GPM6A: variants seen among roughly 807,000 people sequenced by gnomAD.
The protein encoded by GPM6A is glycoprotein M6A, also known as neuronal membrane glycoprotein M6-a.
Under a neutral mutation model 32.1 loss-of-function variants are expected in GPM6A, and 7 were observed. That is an observed-to-expected ratio of 0.22 (90% confidence interval 0.12 to 0.41). GPM6A has a LOEUF of 0.41. Among genes scored for constraint, GPM6A ranks in the 10% least tolerant of loss-of-function variants. The pLI is 1.00. For synonymous variants in GPM6A, 130 were observed against 123.4 expected, an observed-to-expected ratio of 1.05 and a Z score of -0.35; for missense variants, 235 against 347.2, an observed-to-expected ratio of 0.68 and a Z score of 2.57.
At chr4:175,736,884 A>G (rs181786047) in intron 1 of GPM6A, among the ~76,000 whole-genome samples, 1 of 152,362 alleles carries the variant, frequency 6.6e-6, no homozygotes, top group East Asian at 1.9e-4. Context: ...CATAGGCATT[A>G]TAATGTCATA....
intron 1 of GPM6A, among the ~76,000 whole-genome samples, chr4:175,826,443 A>G (rs1735442459): frequency 6.6e-6 from 1 of 152,100 alleles, no homozygotes; most frequent in African/African-American, 2.4e-5. Context: ...TTTAAATGTA[A>G]TACTATTATG....
At chr4:175,736,579 CAG>C (rs1460579797) in intron 1 of GPM6A, among the ~76,000 whole-genome samples, 2 of 151,952 alleles carry the variant, frequency 1.3e-5, no homozygotes, top group African/African-American at 4.8e-5. Context: ...GTTGCTGAAA[CAG>C]AAATAAATAA....
At chr4:175,837,341 C>T (rs78645073) in intron 1 of GPM6A, among the ~76,000 whole-genome samples, 20,665 of 152,096 alleles carry the variant, frequency 0.14, 1,744 homozygotes, top group Middle Eastern at 0.24. Context: ...AACTGTAAGG[C>T]AATGCATGTG....
chr4:175,771,551 CAAA>C (rs889739577), intron 1 of GPM6A, among the ~76,000 whole-genome samples: 4 of 66,586 alleles, frequency 6.0e-5, no homozygotes, highest in African/African-American at 9.7e-5. Flanking sequence ...GACTCTGTCT[CAAA>C]AAAAAAAAAA....
At chr4:175,866,275 C>G (rs921862018) in intron 1 of GPM6A, among the ~76,000 whole-genome samples, 3 of 152,130 alleles carry the variant, frequency 2.0e-5, no homozygotes, top group African/African-American at 7.2e-5. Context: ...CCCACATTAA[C>G]ACATCATAAT....
intron 1 of GPM6A, among the ~76,000 whole-genome samples, chr4:175,774,082 T>C (rs1222254372): frequency 6.6e-6 from 1 of 152,088 alleles, no homozygotes; most frequent in Non-Finnish European, 1.5e-5. Flanking sequence ...CCCAGTTCTC[T>C]AGTGTCCATT....
intron 1 of GPM6A, among the ~76,000 whole-genome samples, chr4:175,830,506 C>G (rs993049622): frequency 6.6e-6 from 1 of 152,146 alleles, no homozygotes; most frequent in African/African-American, 2.4e-5. Context: ...TAATCTTCAC[C>G]ATACCTCTAT....
At chr4:176,002,274 T>C in intron 1 of GPM6A, 1 of 1,595,774 alleles carries the variant, frequency 6.3e-7, no homozygotes, top group Non-Finnish European at 8.5e-7. Flanking sequence ...GGCCGAGCCT[T>C]TGGGCGAGGT....
At chr4:175,664,020 A>G (rs1188184870) in intron 3 of GPM6A, among the ~76,000 whole-genome samples, 1 of 152,132 alleles carries the variant, frequency 6.6e-6, no homozygotes, top group African/African-American at 2.4e-5. Context: ...AAAAGAACAA[A>G]TTGTGCCATA....
At chr4:175,695,955 T>TAGTG (rs970633479) in intron 2 of GPM6A, among the ~76,000 whole-genome samples, 2 of 152,092 alleles carry the variant, frequency 1.3e-5, no homozygotes, top group African/African-American at 4.8e-5. Context: ...GCTCTGGAGA[T>TAGTG]AGTGAGTGAG....
At chr4:175,797,113 T>C (rs551082927) in intron 1 of GPM6A, among the ~76,000 whole-genome samples, 1 of 152,154 alleles carries the variant, frequency 6.6e-6, no homozygotes, top group Non-Finnish European at 1.5e-5. Flanking sequence ...TTAGTTCTCC[T>C]AGATAACTAA....
chr4:175,874,434 T>G (rs1399286746), intron 1 of GPM6A, among the ~76,000 whole-genome samples: 4 of 152,068 alleles, frequency 2.6e-5, no homozygotes, highest in Non-Finnish European at 5.9e-5. Context: ...GGCAGAGGAC[T>G]GTTGATATTG....
At chr4:175,673,414 A>T (rs973552929) in intron 3 of GPM6A, among the ~76,000 whole-genome samples, 1 of 152,018 alleles carries the variant, frequency 6.6e-6, no homozygotes, top group African/African-American at 2.4e-5. Flanking sequence ...CCTTTGGAAA[A>T]AAAAAACCAT....
At position 175,942,140 on chromosome 4, in the gene GPM6A, G is replaced by C. The variant is rs574432366; in HGVS notation, c.-23+60169C>G. Among the ~76,000 whole-genome samples the C allele has an allele frequency of 1.4e-4, 22 of 152,300 alleles. No individual in the cohort carries two copies. In the South Asian group the frequency reaches 2.9e-3, roughly 20 times the overall value. ...TTTCTCTAATGACCAGTGATGATGAGCTTTTTTAAATATGTTTGTTGGCCA... is the reference window on the plus strand; with the variant it reads ...TTTCTCTAATGACCAGTGATGATGACCTTTTTTAAATATGTTTGTTGGCCA... On this transcript the variant is annotated intron_variant, in intron 1 of 7. Transcript: ENST00000280187.
chr4:175,712,446 G>A (rs1252984323), intron 1 of GPM6A, among the ~76,000 whole-genome samples: 1 of 152,196 alleles, frequency 6.6e-6, no homozygotes, highest in East Asian at 1.9e-4. Context: ...CTTAGAAAAA[G>A]TCATCATCAG....
chr4:175,651,680 G>T, intron 4 of GPM6A, 154 bp downstream of exon 4: 1 of 578,006 alleles, frequency 1.7e-6, no homozygotes, highest in Non-Finnish European at 3.0e-6. Flanking sequence ...AATTTAAAGG[G>T]AATAGCCTTA....
At chr4:175,965,831 C>T (rs1266960099) in intron 1 of GPM6A, among the ~76,000 whole-genome samples, 2 of 152,044 alleles carry the variant, frequency 1.3e-5, no homozygotes, top group African/African-American at 4.8e-5. Flanking sequence ...CCAGGCTGGT[C>T]TCGAACTCCT....
At chr4:175,810,201 G>T (rs757099100) in intron 1 of GPM6A, among the ~76,000 whole-genome samples, 1 of 152,026 alleles carries the variant, frequency 6.6e-6, no homozygotes, top group African/African-American at 2.4e-5. Flanking sequence ...CGCACATATC[G>T]ACAGAGCATT....
At chr4:175,885,164 T>C (rs1737411771) in intron 1 of GPM6A, among the ~76,000 whole-genome samples, 1 of 152,212 alleles carries the variant, frequency 6.6e-6, no homozygotes, top group African/African-American at 2.4e-5. Flanking sequence ...TAAATTGTGG[T>C]ATAACCATGG....
Sources: allele counts gnomAD v4.1 joint callset (sites outside exome capture counted in the v4.1 genomes callset), GRCh38; gene constraint gnomAD v4.1.1; transcripts MANE v1.5; gene names NCBI Gene and HGNC (gene_info 2026-07-23, HGNC 2026-07-21).